PCCA: variants seen among roughly 807,000 people sequenced by gnomAD.
The protein encoded by PCCA is propionyl-CoA carboxylase subunit alpha, also known as propionyl-CoA carboxylase alpha chain, mitochondrial.
PCCA carries 74 observed loss-of-function variants against 101.3 expected under a neutral mutation model. The ratio of observed to expected loss-of-function variants is 0.73; its 90% confidence interval spans 0.61 to 0.89. PCCA has a LOEUF of 0.89. Ranked by LOEUF, PCCA falls within the 40% of genes least tolerant of loss-of-function variation. The pLI is 0.00. For missense variants in PCCA, 891 were observed against 907.0 expected, an observed-to-expected ratio of 0.98 and a Z score of 0.23; for synonymous variants, 294 against 313.6, an observed-to-expected ratio of 0.94 and a Z score of 0.66.
chr13:100,294,206 T>A (rs1037320545), intron 12 of PCCA, among the ~76,000 whole-genome samples: 2 of 152,148 alleles, frequency 1.3e-5, no homozygotes, highest in African/African-American at 4.8e-5. Context: ...CTTATGAGGA[T>A]ACCAGTCATG....
rs976211094 is a variant in PCCA, at chr13:100,510,436, G to T, written c.1900-4991G>T. ...TTCTCTGCCTGGAATTGAAATAAGT[G>T]TTTGTCCTAATTCATATGCTATCTG... is the stretch of plus-strand genomic sequence containing the variant. On this transcript the variant is annotated intron_variant, in intron 21 of 23. Coordinates refer to ENST00000376285, the MANE Select transcript of PCCA (RefSeq NM_000282.4). 2.6e-5 allele frequency among the ~76,000 whole-genome samples: 4 copies of T among 152,314 alleles called. No individual in the cohort carries two copies. The East Asian group carries it at 7.7e-4, about 29-fold the overall frequency.
chr13:100,108,587 C>G (rs972613092), intron 2 of PCCA, among the ~76,000 whole-genome samples: 4 of 152,194 alleles, frequency 2.6e-5, no homozygotes. Flanking sequence ...TTTACACATG[C>G]TGTTCATGTG....
At chr13:100,109,970 A>G (rs1011015683) in intron 2 of PCCA, among the ~76,000 whole-genome samples, 7 of 152,108 alleles carry the variant, frequency 4.6e-5, no homozygotes, top group Non-Finnish European at 1.0e-4. Context: ...CATCTCTACT[A>G]AAAATACAAA....
At chr13:100,234,761 C>G (rs2060685400) in intron 7 of PCCA, among the ~76,000 whole-genome samples, 1 of 151,562 alleles carries the variant, frequency 6.6e-6, no homozygotes, top group South Asian at 2.1e-4. Flanking sequence ...AGCTTAAAAG[C>G]TTAAAAAACA....
intron 18 of PCCA, among the ~76,000 whole-genome samples, chr13:100,359,096 C>CAAA (rs35233154): frequency 0.45 from 46,142 of 103,294 alleles, 10,285 homozygotes; most frequent in Middle Eastern, 0.48. Context: ...CAAGACTCCT[C>CAAA]AAAAAAAAAA....
At chr13:100,202,002 C>A (rs2058544909) in intron 6 of PCCA, among the ~76,000 whole-genome samples, 2 of 151,608 alleles carry the variant, frequency 1.3e-5, no homozygotes, top group Non-Finnish European at 2.9e-5. Context: ...ATTTTCTCTG[C>A]CTTTCATAGT....
At chr13:100,133,098 A>G (rs2152327073) in intron 4 of PCCA, among the ~76,000 whole-genome samples, 1 of 152,228 alleles carries the variant, frequency 6.6e-6, no homozygotes, top group South Asian at 2.1e-4. Context: ...CCACTCTAAT[A>G]TGGTTTGGAA....
At chr13:100,294,361 G>A (rs1307815525) in intron 12 of PCCA, among the ~76,000 whole-genome samples, 6 of 152,094 alleles carry the variant, frequency 3.9e-5, no homozygotes, top group Non-Finnish European at 8.8e-5. Flanking sequence ...AGCCCATAAT[G>A]GTTTCCTTAT....
intron 12 of PCCA, among the ~76,000 whole-genome samples, chr13:100,296,159 A>G (rs552655488): frequency 6.6e-6 from 1 of 152,282 alleles, no homozygotes; most frequent in East Asian, 1.9e-4. Context: ...TGGTCAAGTC[A>G]GATGTCTTTA....
chr13:100,260,892 TAAAAAAAA>T (rs767024619), intron 9 of PCCA, among the ~76,000 whole-genome samples: 1 of 137,380 alleles, frequency 7.3e-6, no homozygotes, highest in African/African-American at 2.7e-5. Flanking sequence ...AACCATCCTT[TAAAAAAAA>T]AAAAAAGGAA....
At chr13:100,478,101 C>A (rs2083563494) in intron 21 of PCCA, among the ~76,000 whole-genome samples, 1 of 152,234 alleles carries the variant, frequency 6.6e-6, no homozygotes, top group Non-Finnish European at 1.5e-5. Context: ...AGCTCAGAAG[C>A]CCGCAATTCA....
chr13:100,276,015 A>G (rs1315137028), intron 12 of PCCA, among the ~76,000 whole-genome samples: 2 of 151,868 alleles, frequency 1.3e-5, no homozygotes, highest in Non-Finnish European at 2.9e-5. Flanking sequence ...TTTACTTGGG[A>G]CAATCTCTTT....
chr13:100,387,065 C>T (rs1379765408), intron 19 of PCCA, among the ~76,000 whole-genome samples: 1 of 152,134 alleles, frequency 6.6e-6, no homozygotes. Flanking sequence ...AGAAAAGCAG[C>T]TGGCTCATTA....
intron 18 of PCCA, among the ~76,000 whole-genome samples, chr13:100,366,350 A>T (rs2075157070): frequency 6.6e-6 from 1 of 152,150 alleles, no homozygotes; most frequent in Admixed American, 6.5e-5. Flanking sequence ...TGGGCAAGTC[A>T]GCCTCCCCTT....
At chr13:100,373,227 G>T (rs2075686550) in intron 19 of PCCA, among the ~76,000 whole-genome samples, 1 of 152,116 alleles carries the variant, frequency 6.6e-6, no homozygotes, top group Non-Finnish European at 1.5e-5. Context: ...AATCAAACCT[G>T]CAGTGAGATA....
intron 4 of PCCA, among the ~76,000 whole-genome samples, chr13:100,121,537 C>T (rs1006996506): frequency 9.4e-5 from 14 of 149,024 alleles, no homozygotes; most frequent in South Asian, 4.3e-4. Context: ...TGCAATGGTG[C>T]GATCTTGGCT....
At chr13:100,455,374 T>G (rs2081627842) in intron 21 of PCCA, among the ~76,000 whole-genome samples, 1 of 152,248 alleles carries the variant, frequency 6.6e-6, no homozygotes, top group Non-Finnish European at 1.5e-5. Flanking sequence ...TCTATTATTC[T>G]TTGCTTTTCT....
chr13:100,398,423 T>A (rs1197166328), intron 19 of PCCA, among the ~76,000 whole-genome samples: 1 of 152,186 alleles, frequency 6.6e-6, no homozygotes, highest in African/African-American at 2.4e-5. Flanking sequence ...ACAAAAAATA[T>A]ACGCACTTGC....
At chr13:100,520,634 CAAAAAAAAAA>C (rs374566196) in intron 22 of PCCA, among the ~76,000 whole-genome samples, 1 of 68,260 alleles carries the variant, frequency 1.5e-5, no homozygotes, top group Non-Finnish European at 2.6e-5. Context: ...GACTCCGTCT[CAAAAAAAAAA>C]AAAAAAAAAA....
Sources: gnomAD v4.1 joint callset for allele counts (sites outside exome capture counted in the v4.1 genomes callset) on GRCh38, gnomAD v4.1.1 for gene constraint, MANE v1.5 for transcripts, NCBI Gene and HGNC (gene_info 2026-07-23, HGNC 2026-07-21) for gene names.